Variants in RNF111 observed in about 807,000 individuals in gnomAD.
RNF111 encodes the protein E3 ubiquitin-protein ligase Arkadia.
In RNF111, 17 loss-of-function variants were observed where a neutral mutation model predicts 95.1. The ratio of observed to expected loss-of-function variants is 0.18; its 90% CI spans 0.12 to 0.27. The LOEUF is 0.27. RNF111 is among the 10% of genes least tolerant of loss of function. The pLI is 1.00. For synonymous variants in RNF111, 440 were observed against 414.8 expected (o/e 1.06, Z -0.74); for missense variants, 1,189 against 1,210.4 (o/e 0.98, Z 0.26).
intron 1 of RNF111, among the ~76,000 whole-genome samples, chr15:59,009,927 G>T (rs1391715620): frequency 6.6e-6 from 1 of 152,158 alleles, no homozygotes; most frequent in African/African-American, 2.4e-5. Context: ...TTGTGCTCCA[G>T]CCTGGGCAAA....
chr15:59,036,625 C>T (rs746868868), intron 2 of RNF111, among the ~76,000 whole-genome samples: 8 of 152,116 alleles, frequency 5.3e-5, no homozygotes, highest in Non-Finnish European at 8.8e-5. Flanking sequence ...GGCATGTGGG[C>T]ATTATTACAA....
intron 1 of RNF111, among the ~76,000 whole-genome samples, chr15:58,990,636 A>G (rs1176949555): frequency 7.2e-5 from 11 of 152,354 alleles, no homozygotes; most frequent in African/African-American, 2.6e-4. Context: ...CTTGGGCGAC[A>G]GAGCGAGACT....
intron 1 of RNF111, among the ~76,000 whole-genome samples, chr15:59,023,619 C>T (rs535593888): frequency 6.6e-6 from 1 of 152,132 alleles, no homozygotes; most frequent in African/African-American, 2.4e-5. Context: ...TTGTCAGTGT[C>T]ATCTGCCAAT....
Position 59,096,362 on chromosome 15 carries a change from C to A in RNF111, c.*1462C>A. The A allele has an allele frequency of 3.2e-6, 1 of 312,154 alleles. No individual in the cohort carries two copies. Among genetic ancestry groups the A allele is most frequent in the Non-Finnish European group, 5.8e-6 (1 of 172,410 alleles). The allele number at this position is 312,154 out of a possible 1,614,324, so 19.3% of individuals were successfully genotyped here. Reference sequence around the variant, plus strand: ...TCCCATGGATCATATGTGAAGATGTCAATAAGCTTGCATTAAGCCACCTGC... The same window carrying A: ...TCCCATGGATCATATGTGAAGATGTAAATAAGCTTGCATTAAGCCACCTGC... On this transcript the variant is annotated 3_prime_UTR_variant, in exon 14 of 14. Transcript: ENST00000348370.
In RNF111 at chr15:59,081,132, T is replaced by G; in HGVS notation, c.2145T>G (p.Ser715Arg). ...CCCCACCACCAACTCACTTAGCCAG[T>G]ACAGCTGCACCAATCCCTCAGCATC... ...VAPPPPTHLA[S>R]TAAPIPQHLP... The change falls in exon 8 of 14, where the codon AGT (serine) becomes AGG (arginine). Residue 715 changes from serine to arginine, a missense_variant. Physicochemically the swap from Ser to Arg is moderately radical, Grantham distance 110. This residue lies in a region of RNF111 where 1,024 missense variants were observed against 925.9 expected (regional missense o/e 1.11). Transcript: ENST00000348370. 1 of 1,614,110 alleles carries G rather than the reference T, an allele frequency of 6.2e-7. No individual in the cohort carries two copies. Among genetic ancestry groups the G allele is most frequent in the East Asian group, 2.2e-5 (1 of 44,874 alleles).
chr15:59,051,156 A>G (rs2041960621), intron 2 of RNF111, among the ~76,000 whole-genome samples: 1 of 152,202 alleles, frequency 6.6e-6, no homozygotes, highest in African/African-American at 2.4e-5. Context: ...CGGGCATTTA[A>G]AAATGACAAA....
At position 59,069,513 on chromosome 15, in the gene RNF111, G is replaced by C. The variant is rs540784033; in HGVS notation, c.1686+2430G>C. On this transcript the variant is annotated intron_variant, in intron 6 of 13. Coordinates refer to ENST00000348370, the MANE Select transcript of RNF111 (RefSeq NM_017610.8). Reference sequence around the variant, plus strand: ...CAACTTTTTATTTCAGCTTGAGTCAGTTGTAGGTAGGATCTCTTTTACAGG... The same window carrying C: ...CAACTTTTTATTTCAGCTTGAGTCACTTGTAGGTAGGATCTCTTTTACAGG... Among the ~76,000 whole-genome samples the C allele has an allele frequency of 9.2e-5, 14 of 152,302 alleles. No homozygotes were observed. The East Asian group carries it at 2.3e-3, about 25-fold the overall frequency.
chr15:58,987,722 CGGCGGCGGCTGTAGGGGAGCAGCGGCAGT>C lies in RNF111; in HGVS notation c.-358_-330del. ...TTAGGCGGCGGCGGCGGCGAAGCGG[CGGCGGCGGCTGTAGGGGAGCAGCGGCAGT>C]GGCGGCGACGGCGAGGAGGTGTTCG... On this transcript the variant is annotated 5_prime_UTR_variant, in exon 1 of 14. Transcript: ENST00000348370. 1 of 180,364 alleles carries C rather than the reference CGGCGGCGGCTGTAGGGGAGCAGCGGCAGT, an allele frequency of 5.5e-6. No individual in the cohort carries two copies. Among genetic ancestry groups the C allele is most frequent in the Non-Finnish European group, 1.1e-5 (1 of 88,594 alleles). 11.2% of individuals were successfully genotyped at this position (180,364 alleles called of 1,614,324 possible).
intron 7 of RNF111, 57 bp from the exon 8 acceptor site, chr15:59,080,879 A>C: frequency 1.6e-6 from 2 of 1,270,376 alleles, no homozygotes; most frequent in Non-Finnish European, 2.2e-6. Flanking sequence ...GTATAATAGC[A>C]ATATATGTTC....
At chr15:59,036,206 C>T (rs975195609) in intron 2 of RNF111, among the ~76,000 whole-genome samples, 8 of 152,074 alleles carry the variant, frequency 5.3e-5, no homozygotes, top group South Asian at 2.1e-4. Flanking sequence ...GACAGGCCTG[C>T]ACCACCACGC....
intron 1 of RNF111, among the ~76,000 whole-genome samples, chr15:59,005,533 A>T (rs906492845): frequency 3.9e-5 from 6 of 152,164 alleles, no homozygotes; most frequent in Middle Eastern, 3.4e-3. Context: ...TTTTATTTTT[A>T]TTTATTTTGT....
chr15:59,069,073 CAAAAA>C (rs397853868), intron 6 of RNF111, among the ~76,000 whole-genome samples: 4 of 89,490 alleles, frequency 4.5e-5, no homozygotes, highest in East Asian at 3.0e-4. Context: ...GACTCCGTCT[CAAAAA>C]AAAAAAAAAA....
intron 5 of RNF111, among the ~76,000 whole-genome samples, chr15:59,062,085 C>G (rs773155768): frequency 1.5e-5 from 2 of 133,850 alleles, no homozygotes; most frequent in Non-Finnish European, 3.1e-5. Flanking sequence ...GAGACAGGGT[C>G]TTGCTTTGTC....
Position 59,008,409 on chromosome 15 carries a change from G to A in RNF111, c.-20+20341G>A, listed in dbSNP as rs182118504. ...GTTTTAAAATTTTTTTGTAGAGACA[G>A]GGTCTCACTTTATTGCCCAGGCTGG... On this transcript the variant is annotated intron_variant, in intron 1 of 13. Transcript: ENST00000348370. Among the ~76,000 whole-genome samples the A allele has an allele frequency of 2.8e-4, 43 of 152,224 alleles. 2 individuals are homozygous for A. Among genetic ancestry groups the A allele is most frequent in the Admixed American group, 2.7e-3 (41 of 15,288 alleles).
chr15:59,062,846 G>A (rs965177952), intron 5 of RNF111, among the ~76,000 whole-genome samples: 1 of 152,020 alleles, frequency 6.6e-6, no homozygotes, highest in Non-Finnish European at 1.5e-5. Context: ...ATTGACTTTG[G>A]GCCAGATAGT....
At chr15:59,036,434 G>A (rs934586669) in intron 2 of RNF111, among the ~76,000 whole-genome samples, 9 of 152,194 alleles carry the variant, frequency 5.9e-5, no homozygotes, top group South Asian at 2.1e-4. Flanking sequence ...CCTCACAATC[G>A]TGGCAGGTCA....
intron 1 of RNF111, among the ~76,000 whole-genome samples, chr15:59,001,136 G>A (rs1313928628): frequency 6.6e-6 from 1 of 152,148 alleles, no homozygotes; most frequent in African/African-American, 2.4e-5. Flanking sequence ...GGTTATCTGG[G>A]GGAAGAGCAT....
intron 1 of RNF111, among the ~76,000 whole-genome samples, chr15:59,023,181 T>C (rs1325468243): frequency 2.6e-5 from 4 of 151,938 alleles, no homozygotes; most frequent in South Asian, 2.1e-4. Context: ...CCGGGAGGCG[T>C]AGGTTGCAGT....
intron 1 of RNF111, among the ~76,000 whole-genome samples, chr15:59,030,057 CTT>C (rs1229317322): frequency 2.6e-5 from 4 of 152,218 alleles, no homozygotes; most frequent in African/African-American, 9.6e-5. Flanking sequence ...ATTCAGATCT[CTT>C]TTTGGCAGCT....
Sources: gnomAD v4.1 joint callset for allele counts (sites outside exome capture counted in the v4.1 genomes callset) on GRCh38, gnomAD v4.1.1 for gene constraint, gnomAD v4.1.1 regional missense constraint, MANE v1.5 for transcripts, NCBI Gene and HGNC (gene_info 2026-07-23, HGNC 2026-07-21) for gene names.